The following PCGF6 variants were observed in gnomAD, a reference collection of about 807,000 sequenced individuals.
The protein encoded by PCGF6 is polycomb group ring finger 6.
Under a neutral mutation model 45.5 loss-of-function variants are expected in PCGF6, and 24 were observed. The ratio of observed to expected loss-of-function variants is 0.53; its 90% confidence interval spans 0.38 to 0.74. The LOEUF (loss-of-function observed/expected upper bound fraction) is 0.74. Ranked by LOEUF, PCGF6 falls within the 30% of genes least tolerant of loss-of-function variation. PCGF6 has a pLI of 0.00. For synonymous variants in PCGF6, 152 were observed against 162.1 expected, an observed-to-expected ratio of 0.94 and a Z score of 0.47; for missense variants, 356 against 443.2, an observed-to-expected ratio of 0.80 and a Z score of 1.77.
rs193036899 is a variant in PCGF6 at position 103,336,247 on chromosome 10, T to A, written c.783-2295A>T. Among the ~76,000 whole-genome samples the A allele has an allele frequency of 8.2e-3, 1,211 of 147,808 alleles. 8 individuals are homozygous for A. The highest frequency in any genetic ancestry group is 0.018 in the South Asian group (85 of 4,678). On this transcript the variant is annotated intron_variant, in intron 6 of 9. Transcript: ENST00000369847. ...AGACTGCGTCTCCAAAAAAAAAATT[T>A]AAAAAAAAATAAATAAATAAAAAGA... is the stretch of plus-strand genomic sequence containing the variant.
intron 9 of PCGF6, 80 bp from the exon 10 acceptor site, chr10:103,304,041 T>C (rs905481618): frequency 9.1e-7 from 1 of 1,103,196 alleles, no homozygotes; most frequent in Non-Finnish European, 1.4e-6. Flanking sequence ...GCTGGCTTAC[T>C]TTTTTTTAAT....
chr10:103,310,180 G>C (rs930978965), intron 9 of PCGF6, among the ~76,000 whole-genome samples: 1 of 151,210 alleles, frequency 6.6e-6, no homozygotes, highest in Non-Finnish European at 1.5e-5. Flanking sequence ...TTGAACTCCT[G>C]ACCTTAGGTG....
chr10:103,327,200 G>A (rs910503045), intron 7 of PCGF6, among the ~76,000 whole-genome samples: 1 of 152,042 alleles, frequency 6.6e-6, no homozygotes, highest in Non-Finnish European at 1.5e-5. Flanking sequence ...CAGGAGAATC[G>A]CTTGAACCTG....
intron 9 of PCGF6, among the ~76,000 whole-genome samples, chr10:103,310,192 T>TC (rs1302286296): frequency 2.7e-5 from 4 of 148,020 alleles, no homozygotes; most frequent in Admixed American, 6.8e-5. Flanking sequence ...CCTTAGGTGA[T>TC]CCCCCCACCT....
chr10:103,318,180 C>T (rs1404801025), intron 8 of PCGF6, among the ~76,000 whole-genome samples: 2 of 151,452 alleles, frequency 1.3e-5, no homozygotes, highest in Non-Finnish European at 2.9e-5. Flanking sequence ...CGGTGGCTCA[C>T]GCCTGTAATC....
intron 9 of PCGF6, among the ~76,000 whole-genome samples, chr10:103,313,290 C>G (rs1231531146): frequency 6.6e-6 from 1 of 152,212 alleles, no homozygotes; most frequent in Non-Finnish European, 1.5e-5. Flanking sequence ...ACAGGCTGGG[C>G]AGAGGGGCTC....
chr10:103,305,129 G>A (rs1187763311), intron 9 of PCGF6, among the ~76,000 whole-genome samples: 3 of 150,272 alleles, frequency 2.0e-5, no homozygotes, highest in African/African-American at 4.8e-5. Flanking sequence ...ACCATGCCTG[G>A]CTACTTCAAA....
At chr10:103,310,678 T>C (rs181226469) in intron 9 of PCGF6, among the ~76,000 whole-genome samples, 3 of 151,688 alleles carry the variant, frequency 2.0e-5, no homozygotes, top group East Asian at 1.9e-4. Flanking sequence ...TAGGCAATTA[T>C]ACCAAAAAAA....
At chr10:103,333,718 A>G (rs1291820659) in intron 7 of PCGF6, among the ~76,000 whole-genome samples, 2 of 152,296 alleles carry the variant, frequency 1.3e-5, no homozygotes, top group East Asian at 1.9e-4. Flanking sequence ...TTAGTTTTAA[A>G]AAGTATTCAC....
chr10:103,310,401 C>T (rs981627298), intron 9 of PCGF6, among the ~76,000 whole-genome samples: 4 of 152,038 alleles, frequency 2.6e-5, no homozygotes, highest in East Asian at 1.9e-4. Context: ...CAGAAAGGTT[C>T]TGTATGTGAA....
intron 7 of PCGF6, among the ~76,000 whole-genome samples, chr10:103,329,541 G>A (rs150937875): frequency 0.015 from 2,243 of 151,156 alleles, 66 homozygotes; most frequent in African/African-American, 0.051. Flanking sequence ...GGAATGGCGC[G>A]GTCTTGGCTC....
At position 103,333,942 on chromosome 10, in the gene PCGF6, C is replaced by T; in HGVS notation, c.793G>A (p.Gly265Ser). 1 of 1,550,952 alleles carries T rather than the reference C, an allele frequency of 6.4e-7. No individual in the cohort carries two copies. Among genetic ancestry groups the T allele is most frequent in the Non-Finnish European group, 8.7e-7 (1 of 1,152,744 alleles). The change falls in exon 7 of 10, where the codon GGC (glycine) becomes AGC (serine). Residue 265 changes from glycine to serine, a missense_variant. By Grantham distance (56) the Gly-to-Ser change is moderately conservative. Coordinates refer to ENST00000369847, the MANE Select transcript of PCGF6 (RefSeq NM_001011663.2). Reference protein sequence around the residue: ...LLLEFIGANEGTGHFKPLEKK... With the variant: ...LLLEFIGANESTGHFKPLEKK... ...TAAAATACCTTAAAATGTCCCGTGC[C>T]TTCATTAGCACTGAAAAATGAGAGC... is the stretch of plus-strand genomic sequence containing the variant.
chr10:103,333,941 C>A lies in PCGF6; in HGVS notation c.794G>T (p.Gly265Val). 1 of 1,550,310 alleles carries A rather than the reference C, an allele frequency of 6.5e-7. No homozygotes were observed. Among genetic ancestry groups the A allele is most frequent in the Non-Finnish European group, 8.7e-7 (1 of 1,152,348 alleles). Residue 265 changes from glycine to valine, a missense_variant, in exon 7 of 10, where the codon GGC becomes GTC. By Grantham distance (109) the Gly-to-Val change is moderately radical. Coordinates refer to ENST00000369847, the MANE Select transcript of PCGF6 (RefSeq NM_001011663.2). ...LLLEFIGANE[G>V]TGHFKPLEKK... Reference sequence around the variant, plus strand: ...GTAAAATACCTTAAAATGTCCCGTGCCTTCATTAGCACTGAAAAATGAGAG... The same window carrying A: ...GTAAAATACCTTAAAATGTCCCGTGACTTCATTAGCACTGAAAAATGAGAG...
chr10:103,331,950 G>A (rs576970617), intron 7 of PCGF6, among the ~76,000 whole-genome samples: 131 of 152,248 alleles, frequency 8.6e-4, no homozygotes, highest in Non-Finnish European at 1.6e-3. Context: ...GCGCCACCGC[G>A]CCTGGCTAAT....
At chr10:103,306,167 G>A (rs1015074371) in intron 9 of PCGF6, among the ~76,000 whole-genome samples, 2 of 150,682 alleles carry the variant, frequency 1.3e-5, no homozygotes, top group African/African-American at 4.9e-5. Flanking sequence ...GTGCCATCTC[G>A]GCTCACTGCA....
At chr10:103,338,672 G>A (rs2093267545) in intron 6 of PCGF6, among the ~76,000 whole-genome samples, 1 of 151,488 alleles carries the variant, frequency 6.6e-6, no homozygotes, top group African/African-American at 2.4e-5. Flanking sequence ...TTCGAGACCA[G>A]CCTGGCCAAC....
chr10:103,317,346 T>C (rs2093179754), intron 8 of PCGF6, among the ~76,000 whole-genome samples: 2 of 152,150 alleles, frequency 1.3e-5, no homozygotes, highest in African/African-American at 4.8e-5. Flanking sequence ...CCAAAAACTA[T>C]CACTCTTAGT....
intron 7 of PCGF6, among the ~76,000 whole-genome samples, chr10:103,331,234 T>C (rs1288472229): frequency 6.6e-6 from 1 of 152,200 alleles, no homozygotes; most frequent in African/African-American, 2.4e-5. Context: ...TAATAGGTTA[T>C]ATACACTGTT....
chr10:103,326,654 A>C (rs769201537), intron 7 of PCGF6, 22 bp from the exon 8 acceptor site: 16 of 1,587,380 alleles, frequency 1.0e-5, no homozygotes, highest in Admixed American at 8.7e-5. Flanking sequence ...GACAGATAAA[A>C]CTATTTTTAG....
Sources: gnomAD v4.1 joint callset for allele counts (sites outside exome capture counted in the v4.1 genomes callset) on GRCh38, gnomAD v4.1.1 for gene constraint, MANE v1.5 for transcripts, NCBI Gene and HGNC (gene_info 2026-07-23, HGNC 2026-07-21) for gene names.